Variants in DOCK1 observed in about 807,000 individuals in gnomAD.
DOCK1 encodes dedicator of cytokinesis protein 1.
A neutral mutation model predicts 262.7 loss-of-function variants in DOCK1; 138 were observed. That is an observed-to-expected ratio of 0.53 (90% CI 0.46 to 0.61). The LOEUF (loss-of-function observed/expected upper bound fraction) is 0.61, where lower values mean the gene tolerates loss of function less well. DOCK1 is among the 20% of genes least tolerant of loss of function. The probability of loss-of-function intolerance (pLI) is 0.00; values close to 1 mark genes in which losing one functional copy is unlikely to be tolerated. For synonymous variants in DOCK1, 866 were observed against 867.4 expected (o/e 1.00, Z 0.03); for missense variants, 1,908 against 2,370.7 (o/e 0.80, Z 4.05).
chr10:126,986,942 T>C (rs1208490140), intron 4 of DOCK1, among the ~76,000 whole-genome samples: 3 of 152,070 alleles, frequency 2.0e-5, no homozygotes, highest in East Asian at 3.9e-4. Context: ...GTTAAACTTT[T>C]GGGGCGGAGG....
intron 16 of DOCK1, among the ~76,000 whole-genome samples, chr10:127,031,069 A>AT (rs2043205409): frequency 6.6e-6 from 1 of 152,194 alleles, no homozygotes; most frequent in African/African-American, 2.4e-5. Flanking sequence ...ACAATTTCAC[A>AT]TTGGGGTCGT....
At position 127,334,018 on chromosome 10, in the gene DOCK1, A is replaced by AT. The variant is rs200400938; in HGVS notation, c.3045-4980dup. Among the ~76,000 whole-genome samples, 471 of 152,170 alleles carry AT rather than the reference A, an allele frequency of 3.1e-3. 6 individuals are homozygous for AT. Among genetic ancestry groups the AT allele is most frequent in the African/African-American group, 0.011 (455 of 41,542 alleles). ...TGAGGGTCTCGAAAACTTGAGCAAC[A>AT]TTTTTTTTGTTTTAACATTTTTAAA... is the stretch of plus-strand genomic sequence containing the variant. On this transcript the variant is annotated intron_variant, in intron 29 of 51. Coordinates refer to ENST00000623213, the MANE Select transcript of DOCK1 (RefSeq NM_001290223.2).
chr10:127,218,499 T>C (rs2058303950), intron 27 of DOCK1, among the ~76,000 whole-genome samples: 2 of 152,218 alleles, frequency 1.3e-5, no homozygotes, highest in South Asian at 2.1e-4. Context: ...TTCAGTATTT[T>C]CCCCATCATA....
At chr10:127,003,374 C>T (rs2040747428) in intron 10 of DOCK1, among the ~76,000 whole-genome samples, 1 of 152,232 alleles carries the variant, frequency 6.6e-6, no homozygotes, top group South Asian at 2.1e-4. Context: ...CCTGTGTGAA[C>T]CTGTGTGAAG....
chr10:127,138,008 A>T (rs747730124), intron 27 of DOCK1: 1 of 1,609,136 alleles, frequency 6.2e-7, no homozygotes, highest in Non-Finnish European at 8.5e-7. Flanking sequence ...GCTGCTTAAA[A>T]TCCAGCTCCA....
chr10:126,947,906 T>TTGG (rs2035676451), intron 1 of DOCK1, among the ~76,000 whole-genome samples: 1 of 81,154 alleles, frequency 1.2e-5, no homozygotes, highest in Non-Finnish European at 2.5e-5. Context: ...AGTATTACTG[T>TTGG]TGGTGATGGT....
intron 29 of DOCK1, among the ~76,000 whole-genome samples, chr10:127,314,091 G>T (rs1448036496): frequency 6.6e-6 from 1 of 152,158 alleles, no homozygotes; most frequent in Non-Finnish European, 1.5e-5. Context: ...GCATCTGCAC[G>T]CACTTGTTTT....
At chr10:127,433,197 C>T (rs1565088881) in intron 47 of DOCK1, 86 bp from the exon 48 acceptor site, 3 of 1,558,686 alleles carry the variant, frequency 1.9e-6, no homozygotes, top group Non-Finnish European at 2.6e-6. Flanking sequence ...CGATTCCACA[C>T]AGCTAAGGCC....
rs553094205 is a variant in DOCK1, at chr10:127,306,258, G to A, written c.3045-32748G>A. 1.5e-4 allele frequency among the ~76,000 whole-genome samples: 23 copies of A among 152,192 alleles called. 2 individuals carry two copies. Among genetic ancestry groups the A allele is most frequent in the Admixed American group, 1.1e-3 (17 of 15,280 alleles). ...TCAAACTCCTGACTTCAGGTGATCC[G>A]CCTGCCTTGGCCTTCCAGAGTGCTG... On this transcript the variant is annotated intron_variant, in intron 29 of 51. Transcript: ENST00000623213.
At chr10:127,262,029 CAT>C (rs145192414) in intron 29 of DOCK1, among the ~76,000 whole-genome samples, 39,372 of 95,994 alleles carry the variant, frequency 0.41, 7,610 homozygotes, top group Admixed American at 0.47. Context: ...CATGTGTGTG[CAT>C]GTGTGTGTGT....
rs752355322 is a variant in DOCK1, at chr10:127,127,653, G to A, written c.2752-16G>A. The A allele has an allele frequency of 3.1e-6, 5 of 1,603,790 alleles. No homozygotes were observed. Among genetic ancestry groups the A allele is most frequent in the Middle Eastern group, 1.7e-4 (1 of 6,044 alleles). On this transcript the variant is annotated splice_polypyrimidine_tract_variant and intron_variant, in intron 26 of 51. Coordinates refer to ENST00000623213, the MANE Select transcript of DOCK1 (RefSeq NM_001290223.2). ...GTTTCTCTGGTGTTGGTGTTCATTGGTGTGTCCTTCCCCAGGGGCCAACCC... is the reference window on the plus strand; with the variant it reads ...GTTTCTCTGGTGTTGGTGTTCATTGATGTGTCCTTCCCCAGGGGCCAACCC...
intron 29 of DOCK1, among the ~76,000 whole-genome samples, chr10:127,331,942 G>T (rs766320284): frequency 2.0e-5 from 3 of 152,332 alleles, no homozygotes; most frequent in South Asian, 2.1e-4. Context: ...TGGAACTTAG[G>T]GGGTGCTCAC....
rs59477974 is a variant in DOCK1 at position 127,121,455 on chromosome 10, A to ATGTGTG, written c.2624-4003_2624-3998dup. Among the ~76,000 whole-genome samples the ATGTGTG allele has an allele frequency of 4.5e-3, 662 of 148,358 alleles. 2 individuals carry two copies. The highest frequency in any genetic ancestry group is 7.5e-3 in the Admixed American group (112 of 14,870). ...ATAGGTCATTGTAGGGTATATGTAT[A>ATGTGTG]TGTGTGTGTGTGTGTGTGTGTCTAT... On this transcript the variant is annotated intron_variant, in intron 25 of 51. Coordinates refer to ENST00000623213, the MANE Select transcript of DOCK1 (RefSeq NM_001290223.2).
chr10:127,447,179 G>A lies in DOCK1; in HGVS notation c.5414-215G>A, dbSNP rs555618612. On this transcript the variant is annotated intron_variant, in intron 50 of 51. Transcript: ENST00000623213. ...CAGTTTTAGTGTTCGTGTGATACTT[G>A]CTATTCTCTTTCTAGAACATTGCCG... 4.6e-5 allele frequency among the ~76,000 whole-genome samples: 7 copies of A among 152,270 alleles called. No individual in the cohort carries two copies. In the East Asian group the frequency reaches 1.2e-3, roughly 25 times the overall value.
chr10:127,095,583 C>A (rs2047858214), intron 23 of DOCK1, among the ~76,000 whole-genome samples: 1 of 152,164 alleles, frequency 6.6e-6, no homozygotes, highest in East Asian at 1.9e-4. Flanking sequence ...TGGCCCAGCT[C>A]TTGCTGGGCT....
intron 29 of DOCK1, among the ~76,000 whole-genome samples, chr10:127,319,484 C>T (rs945912647): frequency 6.6e-6 from 1 of 152,210 alleles, no homozygotes; most frequent in Non-Finnish European, 1.5e-5. Context: ...TAATAAATCA[C>T]TTAGCATTAA....
At chr10:127,067,095 A>G (rs1029433688) in intron 23 of DOCK1, among the ~76,000 whole-genome samples, 1 of 152,268 alleles carries the variant, frequency 6.6e-6, no homozygotes, top group Non-Finnish European at 1.5e-5. Flanking sequence ...GTGGACATGC[A>G]TAAAGCAACT....
intron 27 of DOCK1, chr10:127,128,225 C>T (rs1041620993): frequency 5.3e-5 from 8 of 152,260 alleles, no homozygotes; most frequent in African/African-American, 1.9e-4. Context: ...TTAGACAGTC[C>T]ATCAAGTTTC....
chr10:127,447,104 G>A (rs556304300), intron 50 of DOCK1, among the ~76,000 whole-genome samples: 67 of 152,240 alleles, frequency 4.4e-4, no homozygotes, highest in African/African-American at 1.5e-3. Flanking sequence ...AGAAGAGGCC[G>A]GGGTGAACAT....
Sources: allele counts gnomAD v4.1 joint callset (sites outside exome capture counted in the v4.1 genomes callset), GRCh38; gene constraint gnomAD v4.1.1; transcripts MANE v1.5; gene names NCBI Gene and HGNC (gene_info 2026-07-23, HGNC 2026-07-21).